SLIT1: variants seen among roughly 807,000 people sequenced by gnomAD.
SLIT1 encodes slit guidance ligand 1, also known as slit homolog 1 protein.
SLIT1 carries 66 observed loss-of-function variants against 186.1 expected under a neutral mutation model. The ratio of observed to expected loss-of-function variants is 0.35; its 90% CI spans 0.29 to 0.44. The LOEUF (loss-of-function observed/expected upper bound fraction) is 0.44. Ranked by LOEUF, SLIT1 falls within the 20% of genes least tolerant of loss-of-function variation. The pLI is 1.00. For missense variants in SLIT1, 1,638 were observed against 2,037.4 expected (o/e 0.80, Z 3.77); for synonymous variants, 761 against 833.8 (o/e 0.91, Z 1.50).
chr10:97,133,611 G>A (rs966182669), intron 4 of SLIT1, among the ~76,000 whole-genome samples: 1 of 152,166 alleles, frequency 6.6e-6, no homozygotes, highest in Admixed American at 6.5e-5. Flanking sequence ...TAACATTACT[G>A]AACAGTACAC....
intron 1 of SLIT1, among the ~76,000 whole-genome samples, chr10:97,174,734 T>C (rs1239901868): frequency 6.6e-6 from 1 of 152,158 alleles, no homozygotes; most frequent in African/African-American, 2.4e-5. Flanking sequence ...CTTGTCAGTC[T>C]TGACTGACAG....
chr10:97,063,442 G>T lies in SLIT1; in HGVS notation c.793+13C>A, dbSNP rs1186612760. The T allele has an allele frequency of 1.9e-6, 3 of 1,612,058 alleles. No individual in the cohort carries two copies. Among genetic ancestry groups the T allele is most frequent in the Non-Finnish European group, 1.7e-6 (2 of 1,179,730 alleles). On this transcript the variant is annotated intron_variant, in intron 8 of 36. Transcript: ENST00000266058. ...GCCGGACAGTTGAGAGCCCGGCAGG[G>T]GTCTGCACCCACCTGAGCAGCTGAA...
intron 4 of SLIT1, among the ~76,000 whole-genome samples, chr10:97,086,091 A>G (rs770003617): frequency 1.1e-4 from 17 of 152,218 alleles, no homozygotes; most frequent in Non-Finnish European, 1.9e-4. Context: ...TGATCCAGTG[A>G]TCATGCTCCT....
chr10:97,117,818 T>C (rs1264304520), intron 4 of SLIT1, among the ~76,000 whole-genome samples: 1 of 152,180 alleles, frequency 6.6e-6, no homozygotes, highest in East Asian at 1.9e-4. Flanking sequence ...TGGAGGGGCC[T>C]AAAAGACCTC....
intron 4 of SLIT1, among the ~76,000 whole-genome samples, chr10:97,115,331 T>C (rs1589399291): frequency 6.6e-6 from 1 of 152,164 alleles, no homozygotes; most frequent in Non-Finnish European, 1.5e-5. Context: ...TGCTGGTACT[T>C]ATCCTGCTTC....
At chr10:97,112,670 A>G (rs942064158) in intron 4 of SLIT1, among the ~76,000 whole-genome samples, 7 of 152,190 alleles carry the variant, frequency 4.6e-5, no homozygotes, top group African/African-American at 1.7e-4. Flanking sequence ...CTTTGGTTCC[A>G]AAGCCCATGA....
intron 4 of SLIT1, among the ~76,000 whole-genome samples, chr10:97,127,285 C>CAA (rs34328563): frequency 2.3e-5 from 3 of 131,406 alleles, no homozygotes; most frequent in Non-Finnish European, 4.8e-5. Flanking sequence ...GACTCCGTCT[C>CAA]AAAAAAAAAA....
intron 5 of SLIT1, 90 bp downstream of exon 5, chr10:97,065,925 C>T: frequency 3.1e-6 from 3 of 971,410 alleles, no homozygotes; most frequent in Non-Finnish European, 4.8e-6. Context: ...GCTGCCTGGA[C>T]CACACGGCTC....
At chr10:97,115,837 C>G (rs1849503852) in intron 4 of SLIT1, among the ~76,000 whole-genome samples, 1 of 152,238 alleles carries the variant, frequency 6.6e-6, no homozygotes, top group African/African-American at 2.4e-5. Flanking sequence ...AAGCCTGTGT[C>G]AGATTCCAAG....
At chr10:97,053,079 T>A (rs1255304616) in intron 13 of SLIT1, among the ~76,000 whole-genome samples, 1 of 152,228 alleles carries the variant, frequency 6.6e-6, no homozygotes, top group African/African-American at 2.4e-5. Context: ...GTGTGTCACA[T>A]AACCTCTCTC....
In SLIT1 at chr10:97,001,114, A is replaced by G. The variant is rs759693597; in HGVS notation, c.4603T>C (p.Ter1535GlnextTer8). Residue 1535 changes from the stop codon to glutamine, a stop_lost, in exon 37 of 37, where the codon TAG (stop) becomes CAG (glutamine). Transcript: ENST00000266058. ...PTKCGCALCA* is the reference protein window; with the variant it reads ...PTKCGCALCAQ The stretch of plus-strand genomic sequence containing the variant: ...CACCGGCCTGTCCACGCCCAGCGCT[A>G]TGCGCAGAGGGCACAGCCACACTTG... 21 of 1,610,888 alleles carry G rather than the reference A, an allele frequency of 1.3e-5. No homozygotes were observed. The highest frequency in any genetic ancestry group is 1.7e-4 in the Middle Eastern group (1 of 5,946).
At chr10:97,140,221 C>G (rs1306012151) in intron 4 of SLIT1, among the ~76,000 whole-genome samples, 1 of 152,106 alleles carries the variant, frequency 6.6e-6, no homozygotes, top group South Asian at 2.1e-4. Flanking sequence ...CTCGTACCAG[C>G]TTTTCCCAGG....
intron 4 of SLIT1, among the ~76,000 whole-genome samples, chr10:97,144,563 A>T (rs1589409991): frequency 6.6e-6 from 1 of 152,288 alleles, no homozygotes; most frequent in Non-Finnish European, 1.5e-5. Flanking sequence ...CTGAGGCAAG[A>T]TGCAAAGGGG....
intron 11 of SLIT1, chr10:97,057,669 A>G (rs1848853544): frequency 2.7e-6 from 1 of 371,902 alleles, no homozygotes; most frequent in African/African-American, 2.0e-5. Context: ...AATAATTAAC[A>G]TATTTTCAGA....
chr10:97,043,440 A>C lies in SLIT1; in HGVS notation c.1927T>G (p.Ser643Ala). ...GTGGTGATCTGGTTGTCGTAGAGCG[A>C]GAGGAGCCGGACGTTGCGCAGGCCC... ...FTGLRNVRLLSLYDNQITTVS... is the reference protein window; with the variant it reads ...FTGLRNVRLLALYDNQITTVS... The change falls in exon 19 of 37, where the codon TCG becomes GCG. Residue 643 changes from serine to alanine, a missense_variant. Transcript: ENST00000266058. The surrounding 1 kb of genome is among the most constrained non-coding windows in gnomAD (Gnocchi z 7.0). 1 of 1,613,846 alleles carries C rather than the reference A, an allele frequency of 6.2e-7. No individual in the cohort carries two copies. The highest frequency in any genetic ancestry group is 8.5e-7 in the Non-Finnish European group (1 of 1,179,954).
intron 4 of SLIT1, among the ~76,000 whole-genome samples, chr10:97,067,535 A>G (rs753470982): frequency 1.3e-5 from 2 of 152,194 alleles, no homozygotes; most frequent in Non-Finnish European, 2.9e-5. Context: ...CAACTTCTTC[A>G]AGGTAACCCA....
At chr10:97,012,043 T>C (rs905978260) in intron 30 of SLIT1, among the ~76,000 whole-genome samples, 2 of 151,100 alleles carry the variant, frequency 1.3e-5, no homozygotes, top group Non-Finnish European at 2.9e-5. Flanking sequence ...GTCCAGTGTT[T>C]TTCGGGCTAT....
At chr10:97,177,939 G>T (rs567411836) in intron 1 of SLIT1, among the ~76,000 whole-genome samples, 1 of 152,024 alleles carries the variant, frequency 6.6e-6, no homozygotes, top group Non-Finnish European at 1.5e-5. Flanking sequence ...TTGTGCCACC[G>T]CACTCCAGCC....
chr10:97,001,631 G>T (rs1232129112), intron 36 of SLIT1, among the ~76,000 whole-genome samples: 1 of 152,160 alleles, frequency 6.6e-6, no homozygotes, highest in African/African-American at 2.4e-5. Flanking sequence ...TGCAAGAGAG[G>T]CTGGAGGCCC....
Sources: allele counts gnomAD v4.1 joint callset (sites outside exome capture counted in the v4.1 genomes callset), GRCh38; gene constraint gnomAD v4.1.1; non-coding constraint Gnocchi (gnomAD v3.1); transcripts MANE v1.5; gene names NCBI Gene and HGNC (gene_info 2026-07-23, HGNC 2026-07-21).